ODAD4: variants seen among roughly 807,000 people sequenced by gnomAD.
The protein encoded by ODAD4 is outer dynein arm-docking complex subunit 4.
In ODAD4, 49 loss-of-function variants were observed where a neutral mutation model predicts 51.8. The ratio of observed to expected loss-of-function variants is 0.95; its 90% CI spans 0.75 to 1.20. The LOEUF (loss-of-function observed/expected upper bound fraction) is 1.20, where lower values mean the gene tolerates loss of function less well. ODAD4 is among the 50% of genes most tolerant of loss of function. ODAD4 has a pLI of 0.00. For missense variants in ODAD4, 590 were observed against 586.5 expected (o/e 1.01, Z -0.06); for synonymous variants, 235 against 221.3 (o/e 1.06, Z -0.55).
chr17:41,953,564 T>C lies in ODAD4; in HGVS notation c.1343-1653T>C, dbSNP rs143184275. ...TGGTTCACGCCTGTAATCCCAGCACTTTGGGAGGCCAAGGTGGAGGATTGC... is the reference window on the plus strand; with the variant it reads ...TGGTTCACGCCTGTAATCCCAGCACCTTGGGAGGCCAAGGTGGAGGATTGC... On this transcript the variant is annotated intron_variant, in intron 9 of 11. Coordinates refer to ENST00000377540, the MANE Select transcript of ODAD4 (RefSeq NM_031421.5). Among the ~76,000 whole-genome samples, 1,179 of 152,134 alleles carry C rather than the reference T, an allele frequency of 7.7e-3. 6 individuals carry two copies. The highest frequency in any genetic ancestry group is 0.014 in the Middle Eastern group (4 of 292).
chr17:41,938,924 G>A (rs1347495137), intron 6 of ODAD4, 41 bp from the exon 7 acceptor site: 4 of 1,595,306 alleles, frequency 2.5e-6, no homozygotes, highest in Non-Finnish European at 3.4e-6. Flanking sequence ...CAGCTAAGAG[G>A]AGGCTGCCCT....
intron 3 of ODAD4, 120 bp downstream of exon 3, chr17:41,935,869 C>A: frequency 8.5e-7 from 1 of 1,182,978 alleles, no homozygotes; most frequent in Non-Finnish European, 1.2e-6. Context: ...AGTCCTACAC[C>A]TGGATTTGGC....
chr17:41,939,270 A>G, intron 7 of ODAD4, 98 bp downstream of exon 7: 1 of 1,198,732 alleles, frequency 8.3e-7, no homozygotes, highest in African/African-American at 1.5e-5. Flanking sequence ...CTTGACTCCC[A>G]TTTTCTGCTC....
At chr17:41,956,600 T>TA (rs1212065284) in intron 10 of ODAD4, among the ~76,000 whole-genome samples, 10 of 140,586 alleles carry the variant, frequency 7.1e-5, no homozygotes, top group Admixed American at 6.3e-4. Flanking sequence ...CTCTAAAAAA[T>TA]AAAAAAAATT....
intron 10 of ODAD4, among the ~76,000 whole-genome samples, chr17:41,957,755 C>G (rs535052222): frequency 6.6e-6 from 1 of 152,282 alleles, no homozygotes; most frequent in African/African-American, 2.4e-5. Context: ...CCAGCCAATA[C>G]CAGCTTCCTG....
At chr17:41,935,369 AC>A in intron 2 of ODAD4, 21 bp downstream of exon 2, 1 of 1,611,138 alleles carries the variant, frequency 6.2e-7, no homozygotes, top group South Asian at 1.1e-5. Flanking sequence ...GGGCGGGAGG[AC>A]TGGATCCTGC....
intron 9 of ODAD4, among the ~76,000 whole-genome samples, chr17:41,950,633 A>G (rs1482541370): frequency 2.0e-5 from 3 of 150,944 alleles, no homozygotes; most frequent in Non-Finnish European, 4.4e-5. Flanking sequence ...ACCTCAGCCT[A>G]CCAAAGTGCT....
intron 8 of ODAD4, among the ~76,000 whole-genome samples, chr17:41,946,780 G>A (rs1047358753): frequency 5.9e-5 from 9 of 151,830 alleles, no homozygotes; most frequent in Non-Finnish European, 1.3e-4. Context: ...AGGTTCAAGC[G>A]ATTCTCTCCT....
rs1555641684 is a variant in ODAD4, at chr17:41,961,402, G to C, written c.1464G>C (p.Lys488Asn). 2.7e-6 allele frequency: 2 copies of C among 747,266 alleles called. No homozygotes were observed. Among genetic ancestry groups the C allele is most frequent in the East Asian group, 5.1e-5 (2 of 39,540 alleles). 46.3% of individuals were successfully genotyped at this position (747,266 alleles called of 1,614,324 possible). The change falls in exon 11 of 12, where the codon AAG becomes AAC. Residue 488 changes from lysine to asparagine, a missense_variant. Around this residue, in one of 3 missense-constraint regions of ODAD4, gnomAD observed 226 missense variants for 162.7 expected, o/e 1.39. Coordinates refer to ENST00000377540, the MANE Select transcript of ODAD4 (RefSeq NM_031421.5). ...CACAGGCCTTGGACGATGCCAACAAGGGTATCATCAGAGAACTGAGGAAAA... is the reference window on the plus strand; with the variant it reads ...CACAGGCCTTGGACGATGCCAACAACGGTATCATCAGAGAACTGAGGAAAA... The part of the protein sequence containing the change: ...AIISALDDAN[K>N]GIIRELRKTN...
intron 9 of ODAD4, among the ~76,000 whole-genome samples, chr17:41,953,079 G>A (rs1283267579): frequency 6.6e-6 from 1 of 151,832 alleles, no homozygotes; most frequent in African/African-American, 2.4e-5. Flanking sequence ...ATTTATTTTT[G>A]AGATGGAGTT....
chr17:41,954,833 A>G (rs562092051), intron 9 of ODAD4, among the ~76,000 whole-genome samples: 40 of 150,704 alleles, frequency 2.7e-4, no homozygotes, highest in African/African-American at 9.5e-4. Context: ...CTGGGCAACA[A>G]GAGTGAAACT....
intron 7 of ODAD4, among the ~76,000 whole-genome samples, chr17:41,941,652 G>A (rs1555638718): frequency 6.6e-6 from 1 of 151,912 alleles, no homozygotes. Context: ...GTGGTGGTGT[G>A]CGCCTGTAGT....
chr17:41,945,376 C>T, intron 8 of ODAD4, 154 bp downstream of exon 8: 1 of 622,688 alleles, frequency 1.6e-6, no homozygotes. Flanking sequence ...GCCGCGCATA[C>T]TGTCCTGTGC....
At chr17:41,964,773 G>A (rs2050852758) in intron 11 of ODAD4, among the ~76,000 whole-genome samples, 1 of 152,006 alleles carries the variant, frequency 6.6e-6, no homozygotes, top group Non-Finnish European at 1.5e-5. Context: ...CCTCCGGGTA[G>A]CTGGGACTAC....
At position 41,930,851 on chromosome 17, in the gene ODAD4, T is replaced by C. The variant is rs782630675; in HGVS notation, c.114+14T>C. The C allele has an allele frequency of 1.2e-6, 1 of 814,174 alleles. No individual in the cohort carries two copies. 50.4% of individuals were successfully genotyped at this position (814,174 alleles called of 1,614,324 possible). On this transcript the variant is annotated intron_variant, in intron 1 of 11. Coordinates refer to ENST00000377540, the MANE Select transcript of ODAD4 (RefSeq NM_031421.5). ...AGCTTCAGCAACGTGAGTCGAGCTCTCAACCTATCCATCACCCCATCACCC... is the reference window on the plus strand; with the variant it reads ...AGCTTCAGCAACGTGAGTCGAGCTCCCAACCTATCCATCACCCCATCACCC...
rs1555636669 is a variant in ODAD4, at chr17:41,930,829, T to C, written c.106T>C (p.Phe36Leu). 5 of 1,561,604 alleles carry C rather than the reference T, an allele frequency of 3.2e-6. No homozygotes were observed. Among genetic ancestry groups the C allele is most frequent in the Non-Finnish European group, 3.5e-6 (4 of 1,149,668 alleles). Residue 36 changes from phenylalanine to leucine, a missense_variant, in exon 1 of 12, where the codon TTC (phenylalanine) becomes CTC (leucine). Physicochemically the swap from Phe to Leu is conservative, Grantham distance 22. Coordinates refer to ENST00000377540, the MANE Select transcript of ODAD4 (RefSeq NM_031421.5). ...CGEFSKAAQSFSNALYLQDGD... is the reference protein window; with the variant it reads ...CGEFSKAAQSLSNALYLQDGD... ...GGAATTTTCTAAAGCCGCGCAGAGC[T>C]TCAGCAACGTGAGTCGAGCTCTCAA...
rs782820445 is a variant in ODAD4, at chr17:41,930,881, CTTTTT to C, written c.114+69_114+73del. 313 of 97,052 alleles carry C rather than the reference CTTTTT, an allele frequency of 3.2e-3. 2 individuals carry two copies. The highest frequency in any genetic ancestry group is 0.011 in the African/African-American group (131 of 12,098). The allele number at this position is 97,052 out of a possible 1,614,324, so 6.0% of individuals were successfully genotyped here. ...CTATCCATCACCCCATCACCCGTCA[CTTTTT>C]TTTTTTTTTTTTTTTTTTTTTTTTG... On this transcript the variant is annotated intron_variant, in intron 1 of 11. Coordinates refer to ENST00000377540, the MANE Select transcript of ODAD4 (RefSeq NM_031421.5).
At chr17:41,959,328 G>A (rs759424173) in intron 10 of ODAD4, among the ~76,000 whole-genome samples, 1 of 152,238 alleles carries the variant, frequency 6.6e-6, no homozygotes, top group African/African-American at 2.4e-5. Flanking sequence ...GAGCACCACT[G>A]GCACGCAGCT....
Position 41,938,727 on chromosome 17 carries a change from C to A in ODAD4, c.796C>A (p.Arg266Ser). ...QEKWLRDHKR[R>S]PSQTAHYILK... ...GAAATGGCTGCGGGACCACAAACGC[C>A]GTCCCTCACAGACAGCCCATTACAT... Residue 266 changes from arginine (R) to serine (S), a missense_variant, in exon 6 of 12, where the codon CGT (arginine) becomes AGT (serine). Coordinates refer to ENST00000377540, the MANE Select transcript of ODAD4 (RefSeq NM_031421.5). The A allele has an allele frequency of 6.2e-7, 1 of 1,613,766 alleles. No homozygotes were observed. The highest frequency in any genetic ancestry group is 1.1e-5 in the South Asian group (1 of 91,076).
Sources: allele counts gnomAD v4.1 joint callset (sites outside exome capture counted in the v4.1 genomes callset), GRCh38; gene constraint gnomAD v4.1.1; regional missense constraint gnomAD v4.1.1; transcripts MANE v1.5; gene names NCBI Gene and HGNC (gene_info 2026-07-23, HGNC 2026-07-21).